TUSC3: variants seen among roughly 807,000 people sequenced by gnomAD.
TUSC3 encodes the protein tumor suppressor candidate 3.
A neutral mutation model predicts 44.8 loss-of-function variants in TUSC3; 45 were observed. The observed-to-expected ratio is 1.00, with a 90% CI of 0.79 to 1.29. The LOEUF (loss-of-function observed/expected upper bound fraction) is 1.29, where lower values mean the gene tolerates loss of function less well. Ranked by LOEUF, TUSC3 falls within the 50% of genes most tolerant of loss-of-function variation. The pLI is 0.00. For synonymous variants in TUSC3, 212 were observed against 152.9 expected (o/e 1.39, Z -2.85); for missense variants, 519 against 437.9 (o/e 1.19, Z -1.65).
chr8:15,822,142 G>A, the TUSC3 span, among the ~76,000 whole-genome samples: 658 of 152,132 alleles, frequency 4.3e-3, 10 homozygotes, highest in African/African-American at 0.015. Context: ...GCAATAGGAA[G>A]GAAGGTTTAG....
intron 2 of TUSC3, among the ~76,000 whole-genome samples, chr8:15,510,770 A>AT (rs1258555758): frequency 8.1e-6 from 1 of 122,958 alleles, no homozygotes; most frequent in East Asian, 2.1e-4. Flanking sequence ...CCAAGATACT[A>AT]TTTAAAAAAA....
At chr8:15,842,545 C>A in the TUSC3 span, among the ~76,000 whole-genome samples, 4 of 152,280 alleles carry the variant, frequency 2.6e-5, no homozygotes, top group East Asian at 7.8e-4. Flanking sequence ...TTCCCATCCG[C>A]AGTCCTCCAT....
At chr8:15,768,309 A>G (rs572075467), downstream of TUSC3, among the ~76,000 whole-genome samples, 2 of 152,314 alleles carry the variant, frequency 1.3e-5, no homozygotes, top group East Asian at 3.9e-4. Flanking sequence ...AATTCACAAC[A>G]AGCCGTGATA....
At chr8:15,536,048 T>C (rs1050837426), upstream of TUSC3, among the ~76,000 whole-genome samples, 2 of 152,230 alleles carry the variant, frequency 1.3e-5, no homozygotes, top group African/African-American at 4.8e-5. Context: ...GTATTTTATA[T>C]GTGGCCCACA....
At chr8:15,637,687 A>G (rs2129170399) in intron 2 of TUSC3, among the ~76,000 whole-genome samples, 1 of 152,100 alleles carries the variant, frequency 6.6e-6, no homozygotes, top group East Asian at 1.9e-4. Context: ...ATACCAGACC[A>G]GAAACCATAG....
the TUSC3 span, among the ~76,000 whole-genome samples, chr8:15,802,517 G>A: frequency 2.0e-5 from 3 of 152,098 alleles, no homozygotes; most frequent in Non-Finnish European, 4.4e-5. Flanking sequence ...TGCCTCCCGG[G>A]TTCAAGTGAT....
At chr8:15,502,245 C>T (rs1021292046) in intron 2 of TUSC3, among the ~76,000 whole-genome samples, 1 of 152,156 alleles carries the variant, frequency 6.6e-6, no homozygotes, top group African/African-American at 2.4e-5. Flanking sequence ...TCTTCACTTG[C>T]TTAGTTTCGT....
rs981613922 is a variant in TUSC3, at chr8:15,580,814, A to T, written c.138+40246A>T. Among the ~76,000 whole-genome samples, 26 of 141,378 alleles carry T rather than the reference A, an allele frequency of 1.8e-4. 2 individuals carry two copies. Among genetic ancestry groups the T allele is most frequent in the Non-Finnish European group, 4.0e-4 (26 of 65,636 alleles). The allele number at this position is 141,378 out of a possible 152,430, so 92.7% of individuals were successfully genotyped here. ...ATGTGTCTTGGAGTTGCTCTTCTCG[A>T]GGAGTATCTTTGTGGCATTCCCTGT... On this transcript the variant is annotated intron_variant, in intron 1 of 10. Coordinates refer to ENST00000503731, the MANE Select transcript of TUSC3 (RefSeq NM_006765.4).
At chr8:15,810,649 G>T in the TUSC3 span, among the ~76,000 whole-genome samples, 2 of 151,652 alleles carry the variant, frequency 1.3e-5, no homozygotes, top group Non-Finnish European at 2.9e-5. Flanking sequence ...TGGCCAAGGA[G>T]GGGGGGCGGG....
chr8:15,634,387 G>GAC (rs1370244784), intron 2 of TUSC3, among the ~76,000 whole-genome samples: 2 of 152,148 alleles, frequency 1.3e-5, no homozygotes, highest in Non-Finnish European at 2.9e-5. Flanking sequence ...CTGTTTTATT[G>GAC]ACTATGCCAC....
chr8:15,675,774 C>CT (rs1467990219), intron 6 of TUSC3, among the ~76,000 whole-genome samples: 1 of 152,066 alleles, frequency 6.6e-6, no homozygotes, highest in Non-Finnish European at 1.5e-5. Flanking sequence ...TGAGTTCATT[C>CT]TTTTTTATGG....
At chr8:15,676,828 A>C (rs1808212059) in intron 6 of TUSC3, among the ~76,000 whole-genome samples, 1 of 152,160 alleles carries the variant, frequency 6.6e-6, no homozygotes, top group African/African-American at 2.4e-5. Flanking sequence ...CATATTTTGC[A>C]GCTAAGAAAA....
intron 2 of TUSC3, among the ~76,000 whole-genome samples, chr8:15,516,232 T>C (rs1438523743): frequency 1.3e-5 from 2 of 152,204 alleles, no homozygotes; most frequent in African/African-American, 4.8e-5. Flanking sequence ...CCTTGATATA[T>C]TCAGTGTATA....
chr8:15,833,440 A>C, the TUSC3 span, among the ~76,000 whole-genome samples: 1 of 152,198 alleles, frequency 6.6e-6, no homozygotes, highest in Non-Finnish European at 1.5e-5. Flanking sequence ...TCACATTAAC[A>C]AAGACAAGGA....
chr8:15,417,607 G>A (rs939744675), intron 1 of TUSC3, among the ~76,000 whole-genome samples: 2 of 152,192 alleles, frequency 1.3e-5, no homozygotes, highest in Admixed American at 6.5e-5. Context: ...TCTAGGGAAC[G>A]TTGTAAAGAA....
intron 7 of TUSC3, 65 bp downstream of exon 7, chr8:15,730,794 A>G: frequency 1.3e-6 from 2 of 1,509,638 alleles, no homozygotes; most frequent in African/African-American, 1.4e-5. Context: ...TTAAATTGAC[A>G]TTTTTCCTGG....
intron 1 of TUSC3, among the ~76,000 whole-genome samples, chr8:15,447,126 G>C (rs1304207373): frequency 6.6e-6 from 1 of 151,872 alleles, no homozygotes; most frequent in African/African-American, 2.4e-5. Flanking sequence ...TGCATAATAA[G>C]TATACCTAAA....
intron 2 of TUSC3, among the ~76,000 whole-genome samples, chr8:15,493,780 T>G (rs1359609119): frequency 3.9e-5 from 6 of 152,178 alleles, no homozygotes; most frequent in African/African-American, 1.4e-4. Context: ...AAACTTACAT[T>G]AAGTGTACGT....
intron 2 of TUSC3, among the ~76,000 whole-genome samples, chr8:15,484,622 C>G (rs1161510501): frequency 6.6e-6 from 1 of 152,186 alleles, no homozygotes; most frequent in Non-Finnish European, 1.5e-5. Context: ...TTGCTCTTCA[C>G]AAAATACAAT....
Sources: gnomAD v4.1 joint callset for allele counts (sites outside exome capture counted in the v4.1 genomes callset) on GRCh38, gnomAD v4.1.1 for gene constraint, MANE v1.5 for transcripts, NCBI Gene and HGNC (gene_info 2026-07-23, HGNC 2026-07-21) for gene names.